The following PRDM5 variants were observed in gnomAD, a reference collection of about 807,000 sequenced individuals.
The protein encoded by PRDM5 is PR domain zinc finger protein 5.
In PRDM5, 56 loss-of-function variants were observed where a neutral mutation model predicts 81.2. The ratio of observed to expected loss-of-function variants is 0.69; its 90% CI spans 0.56 to 0.86. The LOEUF (loss-of-function observed/expected upper bound fraction) is 0.86, where lower values mean the gene tolerates loss of function less well. Among genes scored for constraint, PRDM5 ranks in the 40% least tolerant of loss-of-function variants. PRDM5 has a pLI of 0.00. For synonymous variants in PRDM5, 267 were observed against 256.4 expected (o/e 1.04, Z -0.39); for missense variants, 697 against 770.1 (o/e 0.91, Z 1.12).
At chr4:120,760,231 C>T (rs970342490) in intron 13 of PRDM5, among the ~76,000 whole-genome samples, 6 of 152,140 alleles carry the variant, frequency 3.9e-5, no homozygotes, top group African/African-American at 1.4e-4. Flanking sequence ...TTAACCAGAT[C>T]TTTCTGGCTG....
intron 2 of PRDM5, among the ~76,000 whole-genome samples, chr4:120,898,293 G>T (rs1251770133): frequency 6.6e-6 from 1 of 152,126 alleles, no homozygotes. Context: ...GCTTTTCAAA[G>T]GCATGTGGCT....
intron 4 of PRDM5, among the ~76,000 whole-genome samples, chr4:120,820,512 G>C (rs1196097406): frequency 6.6e-6 from 1 of 152,066 alleles, no homozygotes; most frequent in Non-Finnish European, 1.5e-5. Flanking sequence ...ATAGAAACAA[G>C]GCCAATAATA....
intron 2 of PRDM5, chr4:120,897,224 T>C (rs1764731991): frequency 6.6e-6 from 1 of 152,144 alleles, no homozygotes; most frequent in African/African-American, 2.4e-5. Context: ...ACTAGGTCAT[T>C]TTATTAATGA....
At position 120,727,949 on chromosome 4, in the gene PRDM5, A is replaced by G. The variant is rs571675772; in HGVS notation, c.1624-17536T>C. ...AGACTCCATCTCAGTAAGAAAAAAAAAAAAAAGAGAGAGAGAGAAAGTACC... is the reference window on the plus strand; with the variant it reads ...AGACTCCATCTCAGTAAGAAAAAAAGAAAAAAGAGAGAGAGAGAAAGTACC... On this transcript the variant is annotated intron_variant, in intron 14 of 15. Coordinates refer to ENST00000264808, the MANE Select transcript of PRDM5 (RefSeq NM_018699.4). Among the ~76,000 whole-genome samples the G allele has an allele frequency of 2.0e-5, 3 of 151,986 alleles. No homozygotes were observed. The South Asian group carries it at 6.2e-4, about 32-fold the overall frequency.
chr4:120,769,117 C>T (rs1263520660), intron 13 of PRDM5, among the ~76,000 whole-genome samples: 1 of 152,180 alleles, frequency 6.6e-6, no homozygotes, highest in Non-Finnish European at 1.5e-5. Flanking sequence ...GAACTTCTCA[C>T]TCTGAACCCA....
intron 13 of PRDM5, among the ~76,000 whole-genome samples, chr4:120,774,596 C>A (rs573172713): frequency 6.6e-6 from 1 of 152,266 alleles, no homozygotes; most frequent in South Asian, 2.1e-4. Flanking sequence ...TTTGTCCATG[C>A]AGGAAAACAA....
chr4:120,708,716 T>C (rs992959543), intron 15 of PRDM5, among the ~76,000 whole-genome samples: 2 of 152,100 alleles, frequency 1.3e-5, no homozygotes, highest in African/African-American at 2.4e-5. Flanking sequence ...AGACTGCATG[T>C]AGATGAAACA....
chr4:120,688,715 T>G (rs969251220), downstream of PRDM5, among the ~76,000 whole-genome samples: 1 of 152,218 alleles, frequency 6.6e-6, no homozygotes, highest in Non-Finnish European at 1.5e-5. Context: ...ATACCATTTA[T>G]TGAAGAGACT....
chr4:120,866,131 G>C (rs1443585933), intron 2 of PRDM5, among the ~76,000 whole-genome samples: 1 of 152,142 alleles, frequency 6.6e-6, no homozygotes, highest in Non-Finnish European at 1.5e-5. Flanking sequence ...AAACTCCTTT[G>C]CATGACAAAA....
At chr4:120,711,867 A>G (rs1737040985) in intron 14 of PRDM5, among the ~76,000 whole-genome samples, 1 of 152,178 alleles carries the variant, frequency 6.6e-6, no homozygotes, top group Admixed American at 6.5e-5. Flanking sequence ...ATTAATTAAT[A>G]TTATTCCATT....
At chr4:120,908,933 C>T (rs932051595) in intron 1 of PRDM5, among the ~76,000 whole-genome samples, 1 of 152,176 alleles carries the variant, frequency 6.6e-6, no homozygotes, top group African/African-American at 2.4e-5. Flanking sequence ...CCCAAAGAGG[C>T]TTTCTTTACA....
intron 2 of PRDM5, among the ~76,000 whole-genome samples, chr4:120,858,007 A>G (rs976812597): frequency 9.8e-5 from 15 of 152,330 alleles, no homozygotes; most frequent in Middle Eastern, 3.4e-3. Context: ...TGTAACTGAT[A>G]GATAAAATTT....
At chr4:120,840,245 A>G (rs1440254578) in intron 3 of PRDM5, among the ~76,000 whole-genome samples, 2 of 152,134 alleles carry the variant, frequency 1.3e-5, no homozygotes, top group Admixed American at 6.5e-5. Context: ...GGTAAGAGTG[A>G]CATTGACACA....
chr4:120,844,259 T>C (rs1758393207), intron 3 of PRDM5, among the ~76,000 whole-genome samples: 1 of 152,146 alleles, frequency 6.6e-6, no homozygotes, highest in African/African-American at 2.4e-5. Flanking sequence ...CAAGGGGTGG[T>C]GATAATGAAA....
At chr4:120,921,614 C>T (rs976356047) in intron 1 of PRDM5, among the ~76,000 whole-genome samples, 10 of 152,102 alleles carry the variant, frequency 6.6e-5, no homozygotes, top group Non-Finnish European at 5.9e-5. Context: ...CTGTTCTTGC[C>T]CAAACCTCCA....
intron 2 of PRDM5, among the ~76,000 whole-genome samples, chr4:120,877,532 C>T (rs1486154918): frequency 6.6e-6 from 1 of 152,154 alleles, no homozygotes; most frequent in East Asian, 1.9e-4. Flanking sequence ...GGGCCGGGTG[C>T]GGTGGCTCAC....
intron 11 of PRDM5, among the ~76,000 whole-genome samples, chr4:120,784,777 A>G (rs777967930): frequency 3.3e-5 from 5 of 152,154 alleles, no homozygotes; most frequent in Non-Finnish European, 5.9e-5. Context: ...AAATTATAGA[A>G]AATAAAATAT....
At position 120,785,631 on chromosome 4, in the gene PRDM5, T is replaced by A. The variant is rs1225286212; in HGVS notation, c.1189-540A>T. Among the ~76,000 whole-genome samples the A allele has an allele frequency of 2.0e-5, 3 of 152,202 alleles. No homozygotes were observed. In the East Asian group the frequency reaches 5.8e-4, roughly 29 times the overall value. ...TGTTATAATTAACCCTAATTAACAT[T>A]CATTAAATATTTAATTTGTGTCAAA... On this transcript the variant is annotated intron_variant, in intron 10 of 15. Coordinates refer to ENST00000264808, the MANE Select transcript of PRDM5 (RefSeq NM_018699.4).
intron 14 of PRDM5, among the ~76,000 whole-genome samples, chr4:120,747,700 A>G (rs1348523568): frequency 6.6e-6 from 1 of 152,206 alleles, no homozygotes; most frequent in Non-Finnish European, 1.5e-5. Flanking sequence ...AGTTCATGAA[A>G]GAAAATTAAT....
Sources: gnomAD v4.1 joint callset for allele counts (sites outside exome capture counted in the v4.1 genomes callset) on GRCh38, gnomAD v4.1.1 for gene constraint, MANE v1.5 for transcripts, NCBI Gene and HGNC (gene_info 2026-07-23, HGNC 2026-07-21) for gene names.